UTRN: variants seen among roughly 807,000 people sequenced by gnomAD.
UTRN encodes utrophin, also known as dystrophin-related protein 1.
Under a neutral mutation model 463.9 loss-of-function variants are expected in UTRN, and 283 were observed. The observed-to-expected ratio is 0.61, with a 90% confidence interval of 0.55 to 0.67. The LOEUF (loss-of-function observed/expected upper bound fraction) is 0.67, where lower values mean the gene tolerates loss of function less well. UTRN is among the 30% of genes least tolerant of loss of function. The probability of loss-of-function intolerance (pLI) is 0.00; values close to 1 mark genes in which losing one functional copy is unlikely to be tolerated. For synonymous variants in UTRN, 1,442 were observed against 1,431.5 expected (o/e 1.01, Z -0.17); for missense variants, 3,922 against 4,084.3 (o/e 0.96, Z 1.08).
At chr6:144,514,076 C>T (rs1464051599) in intron 36 of UTRN, 39 bp downstream of exon 36, 3 of 1,610,454 alleles carry the variant, frequency 1.9e-6, no homozygotes, top group East Asian at 2.2e-5. Flanking sequence ...TTGGGAGTGG[C>T]ATGTTTTGTT....
intron 54 of UTRN, among the ~76,000 whole-genome samples, chr6:144,747,509 C>CT (rs1452671648): frequency 6.6e-6 from 1 of 152,176 alleles, no homozygotes; most frequent in Non-Finnish European, 1.5e-5. Flanking sequence ...TGTCTGTATC[C>CT]TTTGCTTCTC....
chr6:144,790,829 T>C (rs1010782348), intron 62 of UTRN, among the ~76,000 whole-genome samples: 1 of 152,222 alleles, frequency 6.6e-6, no homozygotes, highest in Non-Finnish European at 1.5e-5. Flanking sequence ...TTCTTGTGCT[T>C]CTGAAACAAT....
At chr6:144,819,877 G>GCCTCCTCCTTCT (rs1779412877) in intron 65 of UTRN, among the ~76,000 whole-genome samples, 1 of 127,192 alleles carries the variant, frequency 7.9e-6, no homozygotes, top group African/African-American at 3.3e-5. Flanking sequence ...CTCCTCCGCC[G>GCCTCCTCCTTCT]CCTCCTCCTC....
At chr6:144,302,976 G>T (rs622718) in intron 2 of UTRN, among the ~76,000 whole-genome samples, 47,685 of 152,056 alleles carry the variant, frequency 0.31, 7,835 homozygotes, top group South Asian at 0.46. Context: ...TTGAAGCAGG[G>T]TTTATTTGAT....
intron 74 of UTRN, among the ~76,000 whole-genome samples, chr6:144,850,645 C>T (rs1782413095): frequency 6.6e-6 from 1 of 152,128 alleles, no homozygotes; most frequent in African/African-American, 2.4e-5. Flanking sequence ...CTACAGATGA[C>T]CTCCCACAGT....
intron 2 of UTRN, among the ~76,000 whole-genome samples, chr6:144,342,058 A>G (rs1339040492): frequency 6.6e-6 from 1 of 152,242 alleles, no homozygotes; most frequent in African/African-American, 2.4e-5. Flanking sequence ...TCCTGATTCT[A>G]GAAATGACAT....
chr6:144,363,185 T>C (rs1445037452), intron 2 of UTRN, among the ~76,000 whole-genome samples: 2 of 152,234 alleles, frequency 1.3e-5, no homozygotes, highest in African/African-American at 4.8e-5. Flanking sequence ...CACAGTATCT[T>C]ACAGAACTGT....
intron 24 of UTRN, 122 bp from the exon 25 acceptor site, chr6:144,474,482 A>G: frequency 2.0e-6 from 2 of 1,020,872 alleles, no homozygotes; most frequent in Non-Finnish European, 2.7e-6. Context: ...TTAAGTAGTT[A>G]GAAGTACTGA....
At position 144,463,946 on chromosome 6, in the gene UTRN, G is replaced by A. The variant is rs963589685; in HGVS notation, c.3066+1080G>A. ...ATTTATATAGAGAGAATCTAAATCC[G>A]AATCTATATATATTTAGATGTAGAT... On this transcript the variant is annotated intron_variant, in intron 23 of 74. Transcript: ENST00000367545. Among the ~76,000 whole-genome samples, 33 of 150,258 alleles carry A rather than the reference G, an allele frequency of 2.2e-4. No homozygotes were observed. The South Asian group carries it at 2.3e-3, about 11-fold the overall frequency.
intron 2 of UTRN, among the ~76,000 whole-genome samples, chr6:144,388,782 A>G (rs1488470403): frequency 6.6e-6 from 1 of 152,118 alleles, no homozygotes; most frequent in African/African-American, 2.4e-5. Context: ...GATTACATGC[A>G]TGAGCCACCT....
intron 3 of UTRN, among the ~76,000 whole-genome samples, chr6:144,419,354 G>A (rs954639178): frequency 6.6e-6 from 1 of 152,164 alleles, no homozygotes; most frequent in Non-Finnish European, 1.5e-5. Context: ...GAACAGAAAA[G>A]CAGCTTTGTT....
chr6:144,454,064 TA>T (rs1256984075), intron 19 of UTRN, among the ~76,000 whole-genome samples, 195 bp downstream of exon 19: 28 of 152,266 alleles, frequency 1.8e-4, no homozygotes, highest in African/African-American at 6.7e-4. Flanking sequence ...AAAAAGCAGA[TA>T]AAAGCAAAGT....
intron 51 of UTRN, among the ~76,000 whole-genome samples, chr6:144,596,306 TTTTCCGAG>T (rs1227731378): frequency 2.0e-5 from 3 of 152,120 alleles, no homozygotes; most frequent in Non-Finnish European, 2.9e-5. Context: ...GTCTTATGGT[TTTTCCGAG>T]TTTCATATGC....
chr6:144,564,750 A>G (rs1057306774), intron 50 of UTRN, among the ~76,000 whole-genome samples: 2 of 152,080 alleles, frequency 1.3e-5, no homozygotes, highest in African/African-American at 4.8e-5. Context: ...CATGGGGGAA[A>G]CCATCCCCAT....
intron 2 of UTRN, among the ~76,000 whole-genome samples, chr6:144,363,242 G>A (rs1459668311): frequency 2.0e-5 from 3 of 152,170 alleles, no homozygotes; most frequent in African/African-American, 4.8e-5. Context: ...TGAGTCAGAT[G>A]TTAGGAAAGA....
rs114497415 is a variant in UTRN at position 144,838,312 on chromosome 6, A to T, written c.10066-861A>T. Among the ~76,000 whole-genome samples, 1,069 of 152,288 alleles carry T rather than the reference A, an allele frequency of 7.0e-3. 12 individuals are homozygous for T. The highest frequency in any genetic ancestry group is 0.024 in the African/African-American group (999 of 41,546). ...TAATATCCAAATGGCTTCTATATCC[A>T]AGACTGCAGAGCTCTTATCTCTTCT... On this transcript the variant is annotated intron_variant, in intron 71 of 74. Coordinates refer to ENST00000367545, the MANE Select transcript of UTRN (RefSeq NM_007124.3).
intron 51 of UTRN, among the ~76,000 whole-genome samples, chr6:144,665,414 T>C (rs547298051): frequency 4.5e-4 from 69 of 152,322 alleles, no homozygotes; most frequent in African/African-American, 1.7e-3. Flanking sequence ...TTATAATGTT[T>C]TATAATCAAG....
chr6:144,733,201 T>A (rs186522134), intron 54 of UTRN, among the ~76,000 whole-genome samples: 328 of 152,298 alleles, frequency 2.2e-3, no homozygotes, highest in African/African-American at 7.4e-3. Context: ...ACACAATCCT[T>A]GTACATTACT....
intron 51 of UTRN, among the ~76,000 whole-genome samples, chr6:144,606,504 CAGTA>C (rs1163289803): frequency 2.6e-5 from 4 of 152,230 alleles, no homozygotes; most frequent in Non-Finnish European, 5.9e-5. Flanking sequence ...TTTCTCATTC[CAGTA>C]AGTATCTGTT....
Sources: allele counts gnomAD v4.1 joint callset (sites outside exome capture counted in the v4.1 genomes callset), GRCh38; gene constraint gnomAD v4.1.1; transcripts MANE v1.5; gene names NCBI Gene and HGNC (gene_info 2026-07-23, HGNC 2026-07-21).